The following SOWAHC variants were observed in gnomAD, a reference collection of about 807,000 sequenced individuals.
SOWAHC encodes sosondowah ankyrin repeat domain family member C, also known as ankyrin repeat domain-containing protein SOWAHC.
A neutral mutation model predicts 14.4 loss-of-function variants in SOWAHC; 12 were observed. The observed-to-expected ratio is 0.83, with a 90% CI of 0.53 to 1.35. SOWAHC has a LOEUF of 1.35. SOWAHC is among the 40% of genes most tolerant of loss of function. The pLI, the probability that SOWAHC is intolerant of heterozygous loss-of-function variation, is 0.00. For missense variants in SOWAHC, 771 were observed against 752.8 expected, an observed-to-expected ratio of 1.02 and a Z score of -0.28; for synonymous variants, 398 against 347.0, an observed-to-expected ratio of 1.15 and a Z score of -1.63.
Position 109,614,690 on chromosome 2 carries a change from C to T in SOWAHC, c.201C>T (p.Arg67=), listed in dbSNP as rs776790972. ...KELVNAVATV[R]VDPADGAKYV... is the part of the protein sequence containing the mutation. ...TGGTGAACGCCGTGGCCACTGTGCG[C>T]GTCGATCCCGCCGACGGCGCCAAGT... is the stretch of plus-strand genomic sequence containing the variant. Residue 67 remains arginine, a synonymous_variant, in exon 1 of 1, where the codon CGC becomes CGT. Coordinates refer to ENST00000356454, the MANE Select transcript of SOWAHC (RefSeq NM_023016.4). 1 of 1,487,928 alleles carries T rather than the reference C, an allele frequency of 6.7e-7. No individual in the cohort carries two copies. Among genetic ancestry groups the T allele is most frequent in the East Asian group, 2.9e-5 (1 of 34,302 alleles). 92.2% of individuals were successfully genotyped at this position (1,487,928 alleles called of 1,614,324 possible).
rs1248649849 is a variant in SOWAHC, at chr2:109,615,310, C to T, written c.821C>T (p.Ser274Phe). The change falls in exon 1 of 1, where the codon TCT (serine) becomes TTT (phenylalanine). Residue 274 changes from serine to phenylalanine, a missense_variant. Ser to Phe is a radical substitution (Grantham distance 155). Coordinates refer to ENST00000356454, the MANE Select transcript of SOWAHC (RefSeq NM_023016.4). The stretch of plus-strand genomic sequence containing the variant: ...CCCCTGGAGCACGCGTGGATGCTCT[C>T]TGCCTCCGATGGCAAGTGGGACAGC... ...LDPLEHAWML[S>F]ASDGKWDSLE... The T allele has an allele frequency of 6.8e-6, 11 of 1,606,910 alleles. No individual in the cohort carries two copies. The highest frequency in any genetic ancestry group is 9.3e-6 in the Non-Finnish European group (11 of 1,177,514).
Position 109,616,251 on chromosome 2 carries a change from A to ATTTT in SOWAHC, c.*186_*187insTTTT. On this transcript the variant is annotated 3_prime_UTR_variant, in exon 1 of 1. Coordinates refer to ENST00000356454, the MANE Select transcript of SOWAHC (RefSeq NM_023016.4). ...GGAAAAGTGGATGTCTTTTTCAGAGATTCATCATACCTTGACCTGTACCTC... is the reference window on the plus strand; with the variant it reads ...GGAAAAGTGGATGTCTTTTTCAGAGATTTTTTCATCATACCTTGACCTGTACCTC... 1.1e-6 allele frequency: 1 copy of ATTTT among 943,626 alleles called. No homozygotes were observed. 58.5% of individuals were successfully genotyped at this position (943,626 alleles called of 1,614,324 possible). A position where few individuals can be genotyped will look rare whatever the true frequency, so the allele number is the denominator to read the frequency against.
rs1204392715 is a variant in SOWAHC at position 109,618,665 on chromosome 2, T to C, written c.*2598T>C. The C allele has an allele frequency of 1.2e-5, 2 of 166,962 alleles. No individual in the cohort carries two copies. Among genetic ancestry groups the C allele is most frequent in the Non-Finnish European group, 2.9e-5 (2 of 68,108 alleles). The allele number at this position is 166,962 out of a possible 1,614,324, so 10.3% of individuals were successfully genotyped here. ...AATGATTGATATAATTTGATATTCA[T>C]AGAGTTGTGCCTACCTTTAATGGAA... On this transcript the variant is annotated 3_prime_UTR_variant, in exon 1 of 1. Coordinates refer to ENST00000356454, the MANE Select transcript of SOWAHC (RefSeq NM_023016.4).
In SOWAHC at chr2:109,615,055, GC is replaced by G; in HGVS notation, c.567del (p.Ser190AlafsTer20). On this transcript the variant is annotated frameshift_variant, in exon 1 of 1. Transcript: ENST00000356454. LOFTEE classifies it low-confidence loss of function (END_TRUNC). The part of the protein sequence containing the change: ...PPHGCEEADR[G>X]SSLVGATAQR... ...CATGGCTGCGAGGAGGCGGACAGGGGCAGCTCCCTTGTGGGGGCTACCGCAC... is the reference window on the plus strand; with the variant it reads ...CATGGCTGCGAGGAGGCGGACAGGGGAGCTCCCTTGTGGGGGCTACCGCAC... 2 of 1,549,046 alleles carry G rather than the reference GC, an allele frequency of 1.3e-6. No homozygotes were observed. Among genetic ancestry groups the G allele is most frequent in the South Asian group, 2.4e-5 (2 of 84,014 alleles).
chr2:109,616,039 T>A lies in SOWAHC; in HGVS notation c.1550T>A (p.Leu517Ter), dbSNP rs1276084479. The A allele has an allele frequency of 6.6e-7, 1 of 1,515,520 alleles. No homozygotes were observed. The highest frequency in any genetic ancestry group is 8.8e-7 in the Non-Finnish European group (1 of 1,133,672). The allele number at this position is 1,515,520 out of a possible 1,614,324, so 93.9% of individuals were successfully genotyped here. The change falls in exon 1 of 1, where the codon TTG becomes TAG. Residue 517 changes from leucine to a stop codon, truncating the protein, a stop_gained. Coordinates refer to ENST00000356454, the MANE Select transcript of SOWAHC (RefSeq NM_023016.4). LOFTEE classifies it high-confidence loss of function. ...RPVKGHSPFT[L>*]RPKSNVFG is the part of the protein sequence containing the mutation. ...GTTAAAGGCCACTCGCCCTTCACAT[T>A]GAGACCAAAGTCCAATGTATTTGGG...
In SOWAHC at chr2:109,614,662, A is replaced by T. The variant is rs758750952; in HGVS notation, c.173A>T (p.Glu58Val). 2 of 1,479,882 alleles carry T rather than the reference A, an allele frequency of 1.4e-6. No individual in the cohort carries two copies. The highest frequency in any genetic ancestry group is 1.8e-6 in the Non-Finnish European group (2 of 1,119,920). 91.7% of individuals were successfully genotyped at this position (1,479,882 alleles called of 1,614,324 possible). A position where few individuals can be genotyped will look rare whatever the true frequency, so the allele number is the denominator to read the frequency against. Residue 58 changes from glutamate to valine, a missense_variant, in exon 1 of 1, where the codon GAG (glutamate) becomes GTG (valine). By Grantham distance (121) the Glu-to-Val change is moderately radical. Transcript: ENST00000356454. ...GCCCGCGCCCGCGCGCACTTCAAGGAGCTGGTGAACGCCGTGGCCACTGTG... is the reference window on the plus strand; with the variant it reads ...GCCCGCGCCCGCGCGCACTTCAAGGTGCTGGTGAACGCCGTGGCCACTGTG... Reference protein sequence around the residue: ...QRARARAHFKELVNAVATVRV... With the variant: ...QRARARAHFKVLVNAVATVRV...
chr2:109,614,906 CCCCGCCCCCGCGCACTG>C lies in SOWAHC; in HGVS notation c.418_434del (p.Pro140AlafsTer62). The C allele has an allele frequency of 6.9e-7, 1 of 1,450,414 alleles. No homozygotes were observed. Among genetic ancestry groups the C allele is most frequent in the Non-Finnish European group, 9.0e-7 (1 of 1,111,326 alleles). 89.8% of individuals were successfully genotyped at this position (1,450,414 alleles called of 1,614,324 possible). On this transcript the variant is annotated frameshift_variant, in exon 1 of 1. Transcript: ENST00000356454. LOFTEE classifies it low-confidence loss of function (END_TRUNC). ...GCCGCGAGCTGGGCGAGGGAGAGCC[CCCCGCCCCCGCGCACTG>C]GCCGCCCCTGAGCGCCGGGGCTCGC...
rs1484809655 is a variant in SOWAHC, at chr2:109,615,691, A to T, written c.1202A>T (p.Asp401Val). ...KNLVGALDEGDGESAAGSGGG... is the reference protein window; with the variant it reads ...KNLVGALDEGVGESAAGSGGG... ...CTGGTGGGAGCCCTGGACGAGGGTG[A>T]CGGGGAAAGCGCCGCGGGTAGCGGC... is the stretch of plus-strand genomic sequence containing the variant. Residue 401 changes from aspartate to valine, a missense_variant, in exon 1 of 1, where the codon GAC becomes GTC. Coordinates refer to ENST00000356454, the MANE Select transcript of SOWAHC (RefSeq NM_023016.4). 1 of 1,614,008 alleles carries T rather than the reference A, an allele frequency of 6.2e-7. No homozygotes were observed. The highest frequency in any genetic ancestry group is 1.7e-5 in the Admixed American group (1 of 60,030).
chr2:109,615,356 C>G lies in SOWAHC; in HGVS notation c.867C>G (p.Cys289Trp). The change falls in exon 1 of 1, where the codon TGC becomes TGG. Residue 289 changes from cysteine to tryptophan, a missense_variant. Physicochemically the swap from Cys to Trp is radical, Grantham distance 215. Coordinates refer to ENST00000356454, the MANE Select transcript of SOWAHC (RefSeq NM_023016.4). ...ACAGCCTGGAGGGCTTGCTCACCTG[C>G]GAGCCCGGCCTGCTGGTCAAGCGGG... ...KWDSLEGLLT[C>W]EPGLLVKRDF... 1 of 1,612,626 alleles carries G rather than the reference C, an allele frequency of 6.2e-7. No homozygotes were observed. Among genetic ancestry groups the G allele is most frequent in the South Asian group, 1.1e-5 (1 of 91,026 alleles).
In SOWAHC at chr2:109,618,320, T is replaced by C. The variant is rs1700175485; in HGVS notation, c.*2253T>C. The C allele has an allele frequency of 6.0e-6, 1 of 166,888 alleles. No individual in the cohort carries two copies. Among genetic ancestry groups the C allele is most frequent in the Non-Finnish European group, 1.5e-5 (1 of 68,120 alleles). 10.3% of individuals were successfully genotyped at this position (166,888 alleles called of 1,614,324 possible). Reference sequence around the variant, plus strand: ...AGCTGAAGTAACTCTAAAGAGCAGATGCTTCAGAACCATCAGAAGGTTCTG... The same window carrying C: ...AGCTGAAGTAACTCTAAAGAGCAGACGCTTCAGAACCATCAGAAGGTTCTG... On this transcript the variant is annotated 3_prime_UTR_variant, in exon 1 of 1. Coordinates refer to ENST00000356454, the MANE Select transcript of SOWAHC (RefSeq NM_023016.4).
Position 109,614,764 on chromosome 2 carries a change from G to A in SOWAHC, c.275G>A (p.Gly92Glu). 6.8e-7 allele frequency: 1 copy of A among 1,479,700 alleles called. No individual in the cohort carries two copies. The highest frequency in any genetic ancestry group is 1.3e-5 in the South Asian group (1 of 78,652). The allele number at this position is 1,479,700 out of a possible 1,614,324, so 91.7% of individuals were successfully genotyped here. A position where few individuals can be genotyped will look rare whatever the true frequency, so the allele number is the denominator to read the frequency against. ...RFCEGPSEPS[G>E]DPPRIQVTAE... Reference sequence around the variant, plus strand: ...TGTGAAGGGCCGTCCGAGCCCTCCGGGGACCCGCCGCGAATCCAGGTGACC... The same window carrying A: ...TGTGAAGGGCCGTCCGAGCCCTCCGAGGACCCGCCGCGAATCCAGGTGACC... The change falls in exon 1 of 1, where the codon GGG becomes GAG. Residue 92 changes from glycine (G) to glutamate (E), a missense_variant. Gly to Glu is a moderately conservative substitution (Grantham distance 98). Coordinates refer to ENST00000356454, the MANE Select transcript of SOWAHC (RefSeq NM_023016.4).
rs1324145112 is a variant in SOWAHC, at chr2:109,618,254, T to C, written c.*2187T>C. The C allele has an allele frequency of 6.0e-6, 1 of 166,552 alleles. No individual in the cohort carries two copies. The highest frequency in any genetic ancestry group is 1.9e-4 in the East Asian group (1 of 5,200). 10.3% of individuals were successfully genotyped at this position (166,552 alleles called of 1,614,324 possible). On this transcript the variant is annotated 3_prime_UTR_variant, in exon 1 of 1. Transcript: ENST00000356454. ...CTTGTATCTAGTGCAGAATAAGCTA[T>C]AACATCCCATTGAGGAATCTTAAAT...
At position 109,614,387 on chromosome 2, in the gene SOWAHC, T is replaced by C; in HGVS notation, c.-103T>C. On this transcript the variant is annotated 5_prime_UTR_variant, in exon 1 of 1. Coordinates refer to ENST00000356454, the MANE Select transcript of SOWAHC (RefSeq NM_023016.4). Reference sequence around the variant, plus strand: ...TCAGACGCGTAGGCTGGCAGCCCGCTGAGCCCGCCAGACTCCGCCGCCGTC... The same window carrying C: ...TCAGACGCGTAGGCTGGCAGCCCGCCGAGCCCGCCAGACTCCGCCGCCGTC... 2.1e-6 allele frequency: 2 copies of C among 933,568 alleles called. No individual in the cohort carries two copies. Among genetic ancestry groups the C allele is most frequent in the Non-Finnish European group, 1.4e-6 (1 of 726,980 alleles). 57.8% of individuals were successfully genotyped at this position (933,568 alleles called of 1,614,324 possible). A position where few individuals can be genotyped will look rare whatever the true frequency, so the allele number is the denominator to read the frequency against.
chr2:109,614,944 C>T lies in SOWAHC; in HGVS notation c.455C>T (p.Ala152Val), dbSNP rs1299301138. 2 of 1,518,914 alleles carry T rather than the reference C, an allele frequency of 1.3e-6. No homozygotes were observed. Among genetic ancestry groups the T allele is most frequent in the East Asian group, 2.5e-5 (1 of 39,686 alleles). The allele number at this position is 1,518,914 out of a possible 1,614,324, so 94.1% of individuals were successfully genotyped here. Residue 152 changes from alanine (A) to valine (V), a missense_variant, in exon 1 of 1, where the codon GCT (alanine) becomes GTT (valine). By Grantham distance (64) the Ala-to-Val change is moderately conservative. Coordinates refer to ENST00000356454, the MANE Select transcript of SOWAHC (RefSeq NM_023016.4). ...CACTGGCCGCCCCTGAGCGCCGGGG[C>T]TCGCAGGAAGAACTCGCGGCGCGAC... is the stretch of plus-strand genomic sequence containing the variant. ...PAHWPPLSAG[A>V]RRKNSRRDVQ...
Position 109,614,947 on chromosome 2 carries a change from G to A in SOWAHC, c.458G>A (p.Arg153His). 1 of 1,520,922 alleles carries A rather than the reference G, an allele frequency of 6.6e-7. No individual in the cohort carries two copies. Among genetic ancestry groups the A allele is most frequent in the Admixed American group, 2.0e-5 (1 of 49,692 alleles). The allele number at this position is 1,520,922 out of a possible 1,614,324, so 94.2% of individuals were successfully genotyped here. The change falls in exon 1 of 1, where the codon CGC becomes CAC. Residue 153 changes from arginine (R) to histidine (H), a missense_variant. By Grantham distance (29) the Arg-to-His change is conservative. Coordinates refer to ENST00000356454, the MANE Select transcript of SOWAHC (RefSeq NM_023016.4). ...AHWPPLSAGA[R>H]RKNSRRDVQP... ...TGGCCGCCCCTGAGCGCCGGGGCTC[G>A]CAGGAAGAACTCGCGGCGCGACGTG...
At position 109,616,512 on chromosome 2, in the gene SOWAHC, G is replaced by A. The variant is rs1700154850; in HGVS notation, c.*445G>A. The A allele has an allele frequency of 6.0e-6, 1 of 167,286 alleles. No homozygotes were observed. The highest frequency in any genetic ancestry group is 2.4e-5 in the African/African-American group (1 of 41,462). The allele number at this position is 167,286 out of a possible 1,614,324, so 10.4% of individuals were successfully genotyped here. On this transcript the variant is annotated 3_prime_UTR_variant, in exon 1 of 1. Coordinates refer to ENST00000356454, the MANE Select transcript of SOWAHC (RefSeq NM_023016.4). The stretch of plus-strand genomic sequence containing the variant: ...TAATGAAACTACATTGTATTTCTAA[G>A]TGTGAAAACGACAGGCTGCCCCGTT...
Position 109,615,793 on chromosome 2 carries a change from G to GA in SOWAHC, c.1305dup (p.Gly436ArgfsTer11). 6.2e-7 allele frequency: 1 copy of GA among 1,614,144 alleles called. No individual in the cohort carries two copies. The highest frequency in any genetic ancestry group is 8.5e-7 in the Non-Finnish European group (1 of 1,180,040). On this transcript the variant is annotated frameshift_variant, in exon 1 of 1. Coordinates refer to ENST00000356454, the MANE Select transcript of SOWAHC (RefSeq NM_023016.4). LOFTEE classifies it high-confidence loss of function. The stretch of plus-strand genomic sequence containing the variant: ...AAACTCTCACACGCCCTAGAAGATG[G>GA]AGGGGACCATCACCACCATCACCAC...
rs1342555594 is a variant in SOWAHC at position 109,615,954 on chromosome 2, A to G, written c.1465A>G (p.Arg489Gly). 1.3e-6 allele frequency: 2 copies of G among 1,591,166 alleles called. No individual in the cohort carries two copies. The highest frequency in any genetic ancestry group is 1.7e-4 in the Middle Eastern group (1 of 5,918). ...GATCGTCCACACCACACCCTCTTTC[A>G]GGGACCCAGAGCAGCCGCTGGAGGG... The part of the protein sequence containing the change: ...TQIVHTTPSF[R>G]DPEQPLEGRG... Residue 489 changes from arginine to glycine, a missense_variant, in exon 1 of 1, where the codon AGG (arginine) becomes GGG (glycine). Physicochemically the swap from Arg to Gly is moderately radical, Grantham distance 125. Transcript: ENST00000356454.
Position 109,615,795 on chromosome 2 carries a change from G to C in SOWAHC, c.1306G>C (p.Gly436Arg). 1 of 1,614,136 alleles carries C rather than the reference G, an allele frequency of 6.2e-7. No homozygotes were observed. The highest frequency in any genetic ancestry group is 8.5e-7 in the Non-Finnish European group (1 of 1,180,036). The change falls in exon 1 of 1, where the codon GGG becomes CGG. Residue 436 changes from glycine (G) to arginine (R), a missense_variant. Transcript: ENST00000356454. ...YKLSHALEDGGDHHHHHHSAE... is the reference protein window; with the variant it reads ...YKLSHALEDGRDHHHHHHSAE... Reference sequence around the variant, plus strand: ...ACTCTCACACGCCCTAGAAGATGGAGGGGACCATCACCACCATCACCACTC... The same window carrying C: ...ACTCTCACACGCCCTAGAAGATGGACGGGACCATCACCACCATCACCACTC...
Sources: gnomAD v4.1 joint callset for allele counts on GRCh38, gnomAD v4.1.1 for gene constraint, MANE v1.5 for transcripts, NCBI Gene and HGNC (gene_info 2026-07-23, HGNC 2026-07-21) for gene names.